AFG2A: variants seen among roughly 807,000 people sequenced by gnomAD.
AFG2A encodes ATPase family gene 2 protein homolog A.
chr4:123,178,721 G>A, the AFG2A span, among the ~76,000 whole-genome samples: 1 of 152,122 alleles, frequency 6.6e-6, no homozygotes, highest in African/African-American at 2.4e-5. Flanking sequence ...TTTATAAATT[G>A]TCCAAATTTA....
chr4:123,109,588 C>G, the AFG2A span, among the ~76,000 whole-genome samples: 25 of 152,094 alleles, frequency 1.6e-4, no homozygotes, highest in African/African-American at 5.3e-4. Flanking sequence ...AAGATTATAT[C>G]AATCATCTGA....
chr4:122,972,184 A>G, the AFG2A span, among the ~76,000 whole-genome samples: 6 of 152,188 alleles, frequency 3.9e-5, no homozygotes, highest in East Asian at 1.2e-3. Flanking sequence ...AATTTCTTTA[A>G]TATCTATTGA....
the AFG2A span, among the ~76,000 whole-genome samples, chr4:123,147,921 A>T: frequency 7.9e-5 from 12 of 152,318 alleles, no homozygotes; most frequent in African/African-American, 2.6e-4. Context: ...AACACTTTTT[A>T]AAATTTCAAA....
At chr4:123,140,111 G>A in the AFG2A span, among the ~76,000 whole-genome samples, 5 of 151,928 alleles carry the variant, frequency 3.3e-5, no homozygotes, top group Admixed American at 6.6e-5. Flanking sequence ...ACTATATTTC[G>A]TTTCTTTCCT....
the AFG2A span, among the ~76,000 whole-genome samples, chr4:123,264,261 T>C: frequency 6.6e-6 from 1 of 152,092 alleles, no homozygotes; most frequent in Non-Finnish European, 1.5e-5. Flanking sequence ...GGGTACAGTG[T>C]ACACTGCTTG....
chr4:123,145,391 GGAGTCCTTCA>G, the AFG2A span, among the ~76,000 whole-genome samples: 1 of 152,008 alleles, frequency 6.6e-6, no homozygotes, highest in Non-Finnish European at 1.5e-5. Context: ...AAATTACACA[GGAGTCCTTCA>G]GATAAAACTC....
the AFG2A span, among the ~76,000 whole-genome samples, chr4:122,990,804 G>A: frequency 1.8e-4 from 27 of 152,316 alleles, no homozygotes; most frequent in African/African-American, 6.0e-4. Flanking sequence ...GCGCAGACTG[G>A]TCTGGAACTC....
chr4:123,165,460 G>A, the AFG2A span, among the ~76,000 whole-genome samples: 1 of 152,028 alleles, frequency 6.6e-6, no homozygotes, highest in African/African-American at 2.4e-5. Context: ...ATAATAAATT[G>A]TCCTTAGTAT....
the AFG2A span, among the ~76,000 whole-genome samples, chr4:122,951,626 G>A: frequency 1.3e-5 from 2 of 152,172 alleles, no homozygotes; most frequent in Admixed American, 6.5e-5. Context: ...GCCCACCTGT[G>A]AGTACACAGG....
At chr4:123,197,020 A>G in the AFG2A span, among the ~76,000 whole-genome samples, 7 of 152,326 alleles carry the variant, frequency 4.6e-5, no homozygotes, top group Admixed American at 3.9e-4. Flanking sequence ...CTTGTTTTTC[A>G]TTAGAACTCT....
the AFG2A span, among the ~76,000 whole-genome samples, chr4:122,952,226 T>C: frequency 9.2e-4 from 140 of 152,294 alleles, no homozygotes; most frequent in African/African-American, 3.2e-3. Flanking sequence ...AAGGCGCATA[T>C]GTATGTCTCT....
At chr4:123,079,680 T>C in the AFG2A span, among the ~76,000 whole-genome samples, 100 of 152,144 alleles carry the variant, frequency 6.6e-4, no homozygotes, top group African/African-American at 2.2e-3. Context: ...TTGTTATTTT[T>C]TATTTCTTTA....
the AFG2A span, among the ~76,000 whole-genome samples, chr4:123,147,550 A>G: frequency 6.6e-6 from 1 of 152,210 alleles, no homozygotes; most frequent in East Asian, 1.9e-4. Context: ...GATATATAAT[A>G]TAGACAGATT....
the AFG2A span, among the ~76,000 whole-genome samples, chr4:123,284,046 A>G: frequency 6.6e-6 from 1 of 152,160 alleles, no homozygotes; most frequent in African/African-American, 2.4e-5. Context: ...GATCACTTAC[A>G]GTAAAGGTAA....
At chr4:123,245,972 CT>C in the AFG2A span, among the ~76,000 whole-genome samples, 1 of 151,936 alleles carries the variant, frequency 6.6e-6, no homozygotes, top group Non-Finnish European at 1.5e-5. Flanking sequence ...ACTCCCACAA[CT>C]TTTTCAGCTT....
At chr4:123,009,610 G>C in the AFG2A span, among the ~76,000 whole-genome samples, 1 of 152,066 alleles carries the variant, frequency 6.6e-6, no homozygotes, top group African/African-American at 2.4e-5. Flanking sequence ...ATGTTTCTAG[G>C]TTTCTCTGGG....
the AFG2A span, among the ~76,000 whole-genome samples, chr4:123,283,349 GAAA>G: frequency 1.0e-5 from 1 of 96,690 alleles, no homozygotes; most frequent in Non-Finnish European, 2.5e-5. Flanking sequence ...GACCCGGTAG[GAAA>G]AAAAAAAGAG....
chr4:123,056,037 AGC>A, the AFG2A span, among the ~76,000 whole-genome samples: 5 of 152,234 alleles, frequency 3.3e-5, no homozygotes, highest in Non-Finnish European at 5.9e-5. Flanking sequence ...ACCTGCTTAG[AGC>A]TAGCCAGTGG....
At chr4:123,022,168 A>G in the AFG2A span, among the ~76,000 whole-genome samples, 2 of 152,108 alleles carry the variant, frequency 1.3e-5, no homozygotes, top group African/African-American at 4.8e-5. Context: ...AATGGCAACA[A>G]AAGCCAAAAT....
Sources: gnomAD v4.1 joint callset for allele counts (sites outside exome capture counted in the v4.1 genomes callset) on GRCh38, gnomAD v4.1.1 for gene constraint, MANE v1.5 for transcripts, NCBI Gene and HGNC (gene_info 2026-07-23, HGNC 2026-07-21) for gene names.